The following PDE1C variants were observed in gnomAD, a reference collection of about 807,000 sequenced individuals.
PDE1C encodes dual specificity calcium/calmodulin-dependent 3',5'-cyclic nucleotide phosphodiesterase 1C.
A neutral mutation model predicts 93.1 loss-of-function variants in PDE1C; 62 were observed. The observed-to-expected ratio is 0.67, with a 90% confidence interval of 0.54 to 0.82. The LOEUF (loss-of-function observed/expected upper bound fraction) is 0.82, where lower values mean the gene tolerates loss of function less well. Among genes scored for constraint, PDE1C ranks in the 40% least tolerant of loss-of-function variants. The pLI is 0.00. For synonymous variants in PDE1C, 325 were observed against 310.1 expected, an observed-to-expected ratio of 1.05 and a Z score of -0.50; for missense variants, 742 against 884.6, an observed-to-expected ratio of 0.84 and a Z score of 2.04.
intron 2 of PDE1C, among the ~76,000 whole-genome samples, chr7:32,171,104 G>T (rs992927641): frequency 8.5e-5 from 13 of 152,160 alleles, no homozygotes; most frequent in African/African-American, 3.1e-4. Context: ...TTCCCCAGAT[G>T]GCCCCGTAAC....
chr7:32,157,112 C>A (rs1562531899), intron 3 of PDE1C, among the ~76,000 whole-genome samples: 1 of 152,124 alleles, frequency 6.6e-6, no homozygotes, highest in African/African-American at 2.4e-5. Flanking sequence ...AAACACATGG[C>A]CTGTTTGCTT....
chr7:32,013,433 A>G (rs1318293734), intron 2 of PDE1C, among the ~76,000 whole-genome samples: 1 of 152,246 alleles, frequency 6.6e-6, no homozygotes, highest in Non-Finnish European at 1.5e-5. Flanking sequence ...AATACACTGA[A>G]GAAAGGAGAC....
rs755819572 is a variant in PDE1C, at chr7:31,850,650, A to T, written c.842T>A (p.Ile281Asn). The T allele has an allele frequency of 6.2e-7, 1 of 1,610,234 alleles. No individual in the cohort carries two copies. The highest frequency in any genetic ancestry group is 8.5e-7 in the Non-Finnish European group (1 of 1,176,578). ...ATTTAAACACCCTCACCGAGTCTGA[A>T]TGTGGAAATTGTTGGTGGTTCCGGT... ...EHTGTTNNFHIQTRSDPAILY... is the reference protein window; with the variant it reads ...EHTGTTNNFHNQTRSDPAILY... Residue 281 changes from isoleucine (I) to asparagine (N), a missense_variant, in exon 8 of 18, where the codon ATT (isoleucine) becomes AAT (asparagine). Physicochemically the swap from Ile to Asn is moderately radical, Grantham distance 149 (BLOSUM62 -3). Coordinates refer to ENST00000396191, the MANE Select transcript of PDE1C (RefSeq NM_001191057.4).
chr7:31,986,989 T>A (rs1420268938), intron 2 of PDE1C, among the ~76,000 whole-genome samples: 3 of 151,982 alleles, frequency 2.0e-5, no homozygotes, highest in African/African-American at 7.3e-5. Flanking sequence ...AACGCTTCTG[T>A]TTTAAGACAA....
In PDE1C at chr7:31,828,286, A is replaced by T; in HGVS notation, c.1285+6T>A. The stretch of plus-strand genomic sequence containing the variant: ...TGCTTCTATCCAAAGAGCTGCAAAC[A>T]CGTACCTACTTGTGACTGAGCAACC... On this transcript the variant is annotated splice_donor_region_variant and intron_variant, in intron 12 of 17. Transcript: ENST00000396191. The T allele has an allele frequency of 1.9e-6, 3 of 1,610,606 alleles. No individual in the cohort carries two copies. Among genetic ancestry groups the T allele is most frequent in the Non-Finnish European group, 2.5e-6 (3 of 1,177,274 alleles).
rs940386253 is a variant in PDE1C at position 32,378,895 on chromosome 7, ACT to A, written c.310+48925_310+48926del. On this transcript the variant is annotated intron_variant, in intron 1 of 1. Coordinates refer to the PDE1C transcript ENST00000672256. ...GCATCACTGGCCTCGCATCAATTAAACTCTTTCTTTATTGCAATGCTGTGGTC... is the reference window on the plus strand; with the variant it reads ...GCATCACTGGCCTCGCATCAATTAAACTTTCTTTATTGCAATGCTGTGGTC... Among the ~76,000 whole-genome samples, 16 of 151,822 alleles carry A rather than the reference ACT, an allele frequency of 1.1e-4. 1 individual carries two copies. The Middle Eastern group carries it at 0.017, about 161-fold the overall frequency.
rs374820977 is a variant in PDE1C at position 31,769,102 on chromosome 7, CT to C, written c.1960+6561del. On this transcript the variant is annotated intron_variant, in intron 17 of 17. Coordinates refer to ENST00000396191, the MANE Select transcript of PDE1C (RefSeq NM_001191057.4). ...TGAGCCATCGTGCCTGGCCTTAACACTTTTTTTAATGAAAGTCTGTCTGTGG... is the reference window on the plus strand; with the variant it reads ...TGAGCCATCGTGCCTGGCCTTAACACTTTTTTAATGAAAGTCTGTCTGTGG... Among the ~76,000 whole-genome samples the C allele has an allele frequency of 2.4e-4, 37 of 152,158 alleles. No individual in the cohort carries two copies. The East Asian group carries it at 6.0e-3, about 25-fold the overall frequency.
At chr7:31,920,728 G>A (rs543307385) in intron 2 of PDE1C, among the ~76,000 whole-genome samples, 64 of 152,154 alleles carry the variant, frequency 4.2e-4, no homozygotes, top group Middle Eastern at 3.4e-3. Context: ...TGGCTCCCTC[G>A]AAGTTGATCA....
intron 3 of PDE1C, among the ~76,000 whole-genome samples, chr7:32,094,137 A>G (rs1289681994): frequency 6.6e-6 from 1 of 152,166 alleles, no homozygotes; most frequent in African/African-American, 2.4e-5. Flanking sequence ...GAAGTGGGGG[A>G]AGAAACTCTT....
At chr7:31,947,786 T>A (rs1226541965) in intron 2 of PDE1C, among the ~76,000 whole-genome samples, 2 of 152,150 alleles carry the variant, frequency 1.3e-5, no homozygotes, top group African/African-American at 4.8e-5. Context: ...CATAAATACC[T>A]CAAGGAGCTT....
the PDE1C span, among the ~76,000 whole-genome samples, chr7:31,685,198 T>C: frequency 6.6e-6 from 1 of 151,632 alleles, no homozygotes; most frequent in Admixed American, 6.6e-5. Context: ...ATTGACAAAA[T>C]TATAGAAATG....
intron 1 of PDE1C, among the ~76,000 whole-genome samples, chr7:32,287,371 C>T (rs1441075894): frequency 6.6e-6 from 1 of 152,196 alleles, no homozygotes; most frequent in African/African-American, 2.4e-5. Context: ...CACCTGGAGG[C>T]TCTCCCATCG....
chr7:32,199,520 T>C (rs1469340490), intron 2 of PDE1C, among the ~76,000 whole-genome samples: 6 of 152,212 alleles, frequency 3.9e-5, no homozygotes, highest in Admixed American at 3.9e-4. Flanking sequence ...AGATATATAT[T>C]TCTTCTGGTT....
At chr7:32,204,935 A>G (rs1805313381) in intron 2 of PDE1C, among the ~76,000 whole-genome samples, 4 of 152,174 alleles carry the variant, frequency 2.6e-5, no homozygotes, top group Admixed American at 2.6e-4. Flanking sequence ...AAACCAACTC[A>G]TCTGTGTTAT....
chr7:32,157,070 A>G (rs1801618060), intron 3 of PDE1C, among the ~76,000 whole-genome samples: 1 of 152,206 alleles, frequency 6.6e-6, no homozygotes, highest in South Asian at 2.1e-4. Context: ...CAACGATCAG[A>G]AAAACCAAAT....
downstream of PDE1C, among the ~76,000 whole-genome samples, chr7:31,750,497 C>G (rs1333860943): frequency 6.6e-6 from 1 of 152,192 alleles, no homozygotes; most frequent in Non-Finnish European, 1.5e-5. Context: ...TTACCATACT[C>G]CACTCTCTGT....
upstream of PDE1C, among the ~76,000 whole-genome samples, chr7:32,072,961 T>C (rs1796147113): frequency 6.6e-6 from 1 of 152,228 alleles, no homozygotes; most frequent in Non-Finnish European, 1.5e-5. Context: ...CTGGAGAGAC[T>C]TGGAAAAAGA....
In PDE1C at chr7:31,811,223, T is replaced by C. The variant is rs190079453; in HGVS notation, c.1814-2115A>G. Among the ~76,000 whole-genome samples the C allele has an allele frequency of 1.2e-4, 18 of 152,210 alleles. 1 individual carries two copies. The highest frequency in any genetic ancestry group is 3.4e-3 in the Middle Eastern group (1 of 294). On this transcript the variant is annotated intron_variant, in intron 15 of 17. Transcript: ENST00000396191. ...GCTTTTGCTTGGTTCTCATTCTTTC[T>C]TGCCACCACCATGTAAGATGTGCCT...
chr7:31,868,214 C>T lies in PDE1C; in HGVS notation c.610-3132G>A, dbSNP rs531896884. 1.6e-3 allele frequency among the ~76,000 whole-genome samples: 247 copies of T among 152,160 alleles called. 1 individual carries two copies. Among genetic ancestry groups the T allele is most frequent in the Non-Finnish European group, 2.9e-3 (200 of 68,018 alleles). On this transcript the variant is annotated intron_variant, in intron 6 of 17. Coordinates refer to ENST00000396191, the MANE Select transcript of PDE1C (RefSeq NM_001191057.4). ...GAGACCCCAATCAAAATGAAATTTA[C>T]GAAGTCTTGGATAAATAATTCAAAT...
Sources: gnomAD v4.1 joint callset for allele counts (sites outside exome capture counted in the v4.1 genomes callset) on GRCh38, gnomAD v4.1.1 for gene constraint, MANE v1.5 for transcripts, NCBI Gene and HGNC (gene_info 2026-07-23, HGNC 2026-07-21) for gene names.